Variants in TMTC4 observed in about 807,000 individuals in gnomAD.
TMTC4 encodes the protein protein O-mannosyl-transferase TMTC4.
A neutral mutation model predicts 86.0 loss-of-function variants in TMTC4; 65 were observed. The observed-to-expected ratio is 0.76, with a 90% CI of 0.62 to 0.93. TMTC4 has a LOEUF of 0.93. Ranked by LOEUF, TMTC4 falls within the 40% of genes least tolerant of loss-of-function variation. TMTC4 has a pLI of 0.00. For synonymous variants in TMTC4, 379 were observed against 382.5 expected, an observed-to-expected ratio of 0.99 and a Z score of 0.11; for missense variants, 866 against 948.1, an observed-to-expected ratio of 0.91 and a Z score of 1.14.
At chr13:100,632,049 ACACACTCTCTCTCTCTCTCT>A (rs1419451710) in intron 12 of TMTC4, among the ~76,000 whole-genome samples, 86 of 77,352 alleles carry the variant, frequency 1.1e-3, no homozygotes, top group African/African-American at 1.3e-3. Flanking sequence ...ACACACACAC[ACACACTCTCTCTCTCTCTCT>A]CTCTCTCTCT....
chr13:100,672,358 C>T (rs954300276), intron 1 of TMTC4, among the ~76,000 whole-genome samples: 38 of 152,202 alleles, frequency 2.5e-4, no homozygotes, highest in Admixed American at 1.8e-3. Context: ...TGCACAGTGA[C>T]CTTGTTCCCA....
chr13:100,623,652 T>G (rs892507618), intron 15 of TMTC4, among the ~76,000 whole-genome samples: 11 of 147,800 alleles, frequency 7.4e-5, no homozygotes, highest in African/African-American at 2.5e-4. Flanking sequence ...TTTGTTTTTT[T>G]TTTTTTTTTT....
At chr13:100,625,964 C>A (rs765151286) in intron 13 of TMTC4, 72 bp from the exon 14 acceptor site, 1 of 1,593,408 alleles carries the variant, frequency 6.3e-7, no homozygotes, top group East Asian at 2.2e-5. Context: ...TCTCAGGAAT[C>A]GGTAAAGATA....
chr13:100,630,588 G>C (rs1486704360), intron 12 of TMTC4, among the ~76,000 whole-genome samples: 1 of 152,082 alleles, frequency 6.6e-6, no homozygotes, highest in African/African-American at 2.4e-5. Context: ...ACCTCCTCTC[G>C]TATGCACAAA....
chr13:100,607,147 T>C (rs1481020153), intron 17 of TMTC4, among the ~76,000 whole-genome samples: 1 of 152,204 alleles, frequency 6.6e-6, no homozygotes, highest in Non-Finnish European at 1.5e-5. Flanking sequence ...ACGCCTAACC[T>C]GTTTTTATTG....
At chr13:100,633,312 GAAAAAAAAAAAAA>G (rs10523073) in intron 12 of TMTC4, among the ~76,000 whole-genome samples, 56 of 79,606 alleles carry the variant, frequency 7.0e-4, no homozygotes, top group African/African-American at 2.7e-3. Context: ...CCATCTCAGG[GAAAAAAAAAAAAA>G]AAAAAAAAAA....
intron 5 of TMTC4, among the ~76,000 whole-genome samples, chr13:100,660,922 G>C (rs1030512844): frequency 1.3e-5 from 2 of 152,196 alleles, no homozygotes; most frequent in African/African-American, 4.8e-5. Flanking sequence ...CCGAAGTGCT[G>C]TGATTACGGG....
At chr13:100,606,309 A>G (rs1033331689) in intron 18 of TMTC4, 49 bp downstream of exon 18, 7 of 1,540,050 alleles carry the variant, frequency 4.5e-6, no homozygotes, top group East Asian at 2.3e-5. Context: ...CACCCACTTC[A>G]TTAAAGTAAC....
chr13:100,646,412 T>C (rs1025754739), intron 6 of TMTC4, among the ~76,000 whole-genome samples: 13 of 152,196 alleles, frequency 8.5e-5, no homozygotes, highest in Non-Finnish European at 1.8e-4. Flanking sequence ...CACTGCTTCT[T>C]AGAGGCTGTG....
In TMTC4 at chr13:100,617,127, A is replaced by ATTTT. The variant is rs35707709; in HGVS notation, c.1837-2701_1837-2698dup. Among the ~76,000 whole-genome samples the ATTTT allele has an allele frequency of 1.9e-3, 288 of 147,870 alleles. 4 individuals carry two copies. The East Asian group carries it at 0.032, about 16-fold the overall frequency. On this transcript the variant is annotated intron_variant, in intron 15 of 18. Transcript: ENST00000342624. ...AGTGTTTCCTAGGTTTTCTTCTAGG[A>ATTTT]TTTTTTTTTTTTTAAAGACAGGGTC...
At chr13:100,659,554 C>T (rs761445137) in intron 5 of TMTC4, among the ~76,000 whole-genome samples, 14 of 152,038 alleles carry the variant, frequency 9.2e-5, no homozygotes, top group Non-Finnish European at 1.6e-4. Flanking sequence ...CCACTTCTGT[C>T]CTCAGGGAAG....
intron 6 of TMTC4, among the ~76,000 whole-genome samples, chr13:100,649,344 C>T (rs527429646): frequency 2.6e-5 from 4 of 152,252 alleles, no homozygotes; most frequent in Admixed American, 1.3e-4. Context: ...TATTTTAAGC[C>T]TTAGTTTGTG....
intron 12 of TMTC4, among the ~76,000 whole-genome samples, chr13:100,632,618 TAA>T (rs1461044307): frequency 6.6e-6 from 1 of 152,246 alleles, no homozygotes; most frequent in African/African-American, 2.4e-5. Flanking sequence ...CTATTTTATC[TAA>T]GTCTCTTAAC....
chr13:100,655,016 A>ATTTTTT (rs35965658), intron 6 of TMTC4, among the ~76,000 whole-genome samples: 3 of 118,656 alleles, frequency 2.5e-5, no homozygotes, highest in Admixed American at 9.4e-5. Context: ...CACAACGCCT[A>ATTTTTT]TTTTTTTTTT....
intron 5 of TMTC4, among the ~76,000 whole-genome samples, chr13:100,657,599 T>G (rs1286854542): frequency 6.6e-6 from 1 of 152,208 alleles, no homozygotes; most frequent in Non-Finnish European, 1.5e-5. Flanking sequence ...CGTTACTAAC[T>G]GGCACCTGAA....
chr13:100,618,365 G>GT (rs1305786282), intron 15 of TMTC4, among the ~76,000 whole-genome samples: 3 of 149,804 alleles, frequency 2.0e-5, no homozygotes, highest in Non-Finnish European at 3.0e-5. Flanking sequence ...AGGACTTCCA[G>GT]TACCATGTTG....
In TMTC4 at chr13:100,605,489, T is replaced by G. The variant is rs1876449254; in HGVS notation, c.2135-347A>C. 6.6e-6 allele frequency among the ~76,000 whole-genome samples: 1 copy of G among 152,168 alleles called. No individual in the cohort carries two copies. The highest frequency in any genetic ancestry group is 6.5e-5 in the Admixed American group (1 of 15,276). ...GGCTGGGTATGGGAGGTGGGGGTGA[T>G]GGATGCTAGGCACTGCCCAGAGCCC... is the stretch of plus-strand genomic sequence containing the variant. On this transcript the variant is annotated intron_variant, in intron 18 of 18. Transcript: ENST00000342624. This position sits in a 1 kb window ranked among gnomAD's most constrained non-coding sequence, Gnocchi z 4.3.
intron 15 of TMTC4, among the ~76,000 whole-genome samples, chr13:100,615,330 G>T (rs1878306782): frequency 6.6e-6 from 1 of 151,936 alleles, no homozygotes; most frequent in South Asian, 2.1e-4. Flanking sequence ...GTAGAGACGG[G>T]GTTTCACCAT....
Position 100,663,119 on chromosome 13 carries a change from G to A in TMTC4, c.397C>T (p.Leu133=), listed in dbSNP as rs779363312. 6.2e-7 allele frequency: 1 copy of A among 1,614,258 alleles called. No homozygotes were observed. The highest frequency in any genetic ancestry group is 1.1e-5 in the South Asian group (1 of 91,086). ...ATGAGGACAGAGATGCCACTGTGCAGGAGGATGTTGACCACGTGAAAGCCC... is the reference window on the plus strand; with the variant it reads ...ATGAGGACAGAGATGCCACTGTGCAAGAGGATGTTGACCACGTGAAAGCCC... The part of the protein sequence containing the change: ...PVGFHVVNIL[L]HSGISVLMVD... The change falls in exon 5 of 19, where the codon CTG becomes TTG. Residue 133 remains leucine (L), a synonymous_variant. Coordinates refer to ENST00000342624, the MANE Select transcript of TMTC4 (RefSeq NM_032813.5).
Sources: allele counts gnomAD v4.1 joint callset (sites outside exome capture counted in the v4.1 genomes callset), GRCh38; gene constraint gnomAD v4.1.1; non-coding constraint Gnocchi (gnomAD v3.1); transcripts MANE v1.5; gene names NCBI Gene and HGNC (gene_info 2026-07-23, HGNC 2026-07-21).